The following PTPN21 variants were observed in gnomAD, a reference collection of about 807,000 sequenced individuals.
PTPN21 encodes the protein protein tyrosine phosphatase non-receptor type 21.
In PTPN21, 77 loss-of-function variants were observed where a neutral mutation model predicts 131.8. The observed-to-expected ratio is 0.58, with a 90% CI of 0.49 to 0.71. The LOEUF (loss-of-function observed/expected upper bound fraction) is 0.71. Among genes scored for constraint, PTPN21 ranks in the 30% least tolerant of loss-of-function variants. The pLI is 0.00. For missense variants in PTPN21, 1,552 were observed against 1,527.1 expected, an observed-to-expected ratio of 1.02 and a Z score of -0.27; for synonymous variants, 715 against 621.3, an observed-to-expected ratio of 1.15 and a Z score of -2.24.
rs192680737 is a variant in PTPN21, at chr14:88,500,691, A to T, written c.764+92T>A. On this transcript the variant is annotated intron_variant, in intron 8 of 18. Transcript: ENST00000556564. ...CCATTTTTTAATGAGACCTTGGTAT[A>T]GACTTGTGAACAATTTAACTGCTGT... 265 of 870,244 alleles carry T rather than the reference A, an allele frequency of 3.0e-4. 4 individuals carry two copies. The African/African-American group carries it at 4.0e-3, about 13-fold the overall frequency. 53.9% of individuals were successfully genotyped at this position (870,244 alleles called of 1,614,324 possible).
chr14:88,544,748 G>C (rs994835655), intron 2 of PTPN21, among the ~76,000 whole-genome samples: 1 of 152,196 alleles, frequency 6.6e-6, no homozygotes, highest in African/African-American at 2.4e-5. Flanking sequence ...CCGCGCAGAG[G>C]AAAAGGTGCC....
At position 88,497,415 on chromosome 14, in the gene PTPN21, CAAAA is replaced by C. The variant is rs374787677; in HGVS notation, c.765-129_765-126del. ...CATTTGGTAACATTTTTGAGAAAAA[CAAAA>C]AACAAAAAACACGAGACCAGCCTGG... On this transcript the variant is annotated intron_variant, in intron 8 of 18. Transcript: ENST00000556564. 1,006 of 708,964 alleles carry C rather than the reference CAAAA, an allele frequency of 1.4e-3. 15 individuals carry two copies. The East Asian group carries it at 0.024, about 17-fold the overall frequency. The allele number at this position is 708,964 out of a possible 1,614,324, so 43.9% of individuals were successfully genotyped here.
At chr14:88,478,103 A>G (rs2077574501) in intron 13 of PTPN21, among the ~76,000 whole-genome samples, 1 of 152,214 alleles carries the variant, frequency 6.6e-6, no homozygotes, top group African/African-American at 2.4e-5. Context: ...TAAAACAGGC[A>G]TAACAATAGG....
At chr14:88,529,222 CT>C (rs2078521120) in intron 2 of PTPN21, among the ~76,000 whole-genome samples, 1 of 152,134 alleles carries the variant, frequency 6.6e-6, no homozygotes, top group African/African-American at 2.4e-5. Context: ...TTTTCTGCAT[CT>C]ATTGAGATGA....
Position 88,550,589 on chromosome 14 carries a change from T to A in PTPN21, c.-172A>T, listed in dbSNP as rs1351712980. 7.9e-6 allele frequency: 5 copies of A among 631,124 alleles called. No individual in the cohort carries two copies. The highest frequency in any genetic ancestry group is 1.1e-5 in the Non-Finnish European group (4 of 374,242). 39.1% of individuals were successfully genotyped at this position (631,124 alleles called of 1,614,324 possible). A position where few individuals can be genotyped will look rare whatever the true frequency, so the allele number is the denominator to read the frequency against. Reference sequence around the variant, plus strand: ...CATTAAAAAGCAACGGAGTCTCCAATGGCCCGAGGAAGGGAGCATTGACGC... The same window carrying A: ...CATTAAAAAGCAACGGAGTCTCCAAAGGCCCGAGGAAGGGAGCATTGACGC... On this transcript the variant is annotated 5_prime_UTR_variant, in exon 2 of 19. Coordinates refer to ENST00000556564, the MANE Select transcript of PTPN21 (RefSeq NM_007039.4).
rs1394800484 is a variant in PTPN21 at position 88,469,470 on chromosome 14, G to A, written c.3235+29C>T. ...CTGTTTAACACCTCCAGAGGCAGCT[G>A]TCCTCGGAACAAAGTTAAAGTCACT... On this transcript the variant is annotated intron_variant, in intron 17 of 18. Transcript: ENST00000556564. This position sits in a 1 kb window ranked among gnomAD's most constrained non-coding sequence, Gnocchi z 4.3. 3.2e-6 allele frequency: 5 copies of A among 1,549,482 alleles called. No homozygotes were observed. The highest frequency in any genetic ancestry group is 4.5e-6 in the Non-Finnish European group (5 of 1,121,762).
intron 2 of PTPN21, among the ~76,000 whole-genome samples, chr14:88,546,014 A>G (rs960772920): frequency 1.3e-4 from 20 of 151,910 alleles, no homozygotes; most frequent in South Asian, 2.1e-4. Flanking sequence ...AAAAAAAAAA[A>G]AAGAAGTTAC....
At chr14:88,494,994 C>G in intron 10 of PTPN21, among the ~76,000 whole-genome samples, 1 of 110,574 alleles carries the variant, frequency 9.0e-6, no homozygotes, top group African/African-American at 3.5e-5. Flanking sequence ...GCCTGGGTGA[C>G]AGAGCGAGAC....
At chr14:88,530,000 A>G (rs978989701) in intron 2 of PTPN21, among the ~76,000 whole-genome samples, 1 of 152,156 alleles carries the variant, frequency 6.6e-6, no homozygotes, top group East Asian at 1.9e-4. Flanking sequence ...AAAAAAAGAA[A>G]AAGAAGAATC....
At chr14:88,516,159 G>A (rs1158561829) in intron 3 of PTPN21, among the ~76,000 whole-genome samples, 1 of 151,710 alleles carries the variant, frequency 6.6e-6, no homozygotes. Flanking sequence ...CTAATAACAG[G>A]GTATGACAAT....
rs370384950 is a variant in PTPN21, at chr14:88,513,200, C to T, written c.350+3892G>A. Among the ~76,000 whole-genome samples the T allele has an allele frequency of 1.9e-4, 29 of 152,018 alleles. 1 individual carries two copies. The highest frequency in any genetic ancestry group is 6.0e-4 in the African/African-American group (25 of 41,468). On this transcript the variant is annotated intron_variant, in intron 3 of 18. Coordinates refer to ENST00000556564, the MANE Select transcript of PTPN21 (RefSeq NM_007039.4). ...TGTTTTGTTTGAGATGGGCTCTCACCGTCGCCCAGGCTGGAGTGCAGTAGC... is the reference window on the plus strand; with the variant it reads ...TGTTTTGTTTGAGATGGGCTCTCACTGTCGCCCAGGCTGGAGTGCAGTAGC...
chr14:88,514,382 G>T (rs2078230312), intron 3 of PTPN21, among the ~76,000 whole-genome samples: 1 of 151,286 alleles, frequency 6.6e-6, no homozygotes, highest in Admixed American at 6.6e-5. Flanking sequence ...GTTTTCTGCT[G>T]CTTTATGGTC....
chr14:88,492,996 C>A, intron 10 of PTPN21: 1 of 420,992 alleles, frequency 2.4e-6, no homozygotes, highest in Non-Finnish European at 4.7e-6. Context: ...ATGAAAAAAG[C>A]AGGCAGGAAC....
intron 13 of PTPN21, chr14:88,474,049 G>C (rs1432486364): frequency 4.7e-6 from 1 of 212,952 alleles, no homozygotes; most frequent in Non-Finnish European, 8.6e-6. Context: ...TGGTTACAAA[G>C]TTCTGTTGTA....
In PTPN21 at chr14:88,496,416, T is replaced by C. The variant is rs777289028; in HGVS notation, c.929A>G (p.Asn310Ser). The C allele has an allele frequency of 1.2e-6, 2 of 1,608,500 alleles. No homozygotes were observed. The highest frequency in any genetic ancestry group is 1.3e-5 in the African/African-American group (1 of 74,818). ...RHKFYRLNQC[N>S]LQTQTVTVNP... ...TCCATGAGCAGGACATACTTACAGG[T>C]TACACTGGTTTAGTCTGTAAAACTT... The change falls in exon 10 of 19, where the codon AAC becomes AGC. Residue 310 changes from asparagine (N) to serine (S), a missense_variant. Around this residue, in one of 4 missense-constraint regions of PTPN21, gnomAD observed 1,016 missense variants for 883.5 expected, o/e 1.15. Coordinates refer to ENST00000556564, the MANE Select transcript of PTPN21 (RefSeq NM_007039.4).
At chr14:88,514,288 C>T (rs941243875) in intron 3 of PTPN21, among the ~76,000 whole-genome samples, 1 of 152,108 alleles carries the variant, frequency 6.6e-6, no homozygotes, top group Non-Finnish European at 1.5e-5. Flanking sequence ...TATTCCCAAG[C>T]TTTTCTAATT....
chr14:88,501,961 G>A (rs1251607682), intron 6 of PTPN21, among the ~76,000 whole-genome samples: 2 of 151,388 alleles, frequency 1.3e-5, no homozygotes, highest in Non-Finnish European at 2.9e-5. Context: ...TGCCAGTCTG[G>A]GCAACAAAAA....
chr14:88,508,144 G>A (rs2078123140), intron 3 of PTPN21, 124 bp from the exon 4 acceptor site: 1 of 433,258 alleles, frequency 2.3e-6, no homozygotes, highest in Non-Finnish European at 4.0e-6. Flanking sequence ...CCACATGGTT[G>A]TGTGTGTTTT....
intron 14 of PTPN21, 44 bp downstream of exon 14, chr14:88,473,621 G>A: frequency 6.3e-7 from 1 of 1,578,334 alleles, no homozygotes; most frequent in Admixed American, 2.0e-5. Flanking sequence ...GTATTTACCG[G>A]TTGTTCCAGA....
Sources: allele counts gnomAD v4.1 joint callset (sites outside exome capture counted in the v4.1 genomes callset), GRCh38; gene constraint gnomAD v4.1.1; regional missense constraint gnomAD v4.1.1; non-coding constraint Gnocchi (gnomAD v3.1); transcripts MANE v1.5; gene names NCBI Gene and HGNC (gene_info 2026-07-23, HGNC 2026-07-21).